N4BP2: variants seen among roughly 807,000 people sequenced by gnomAD.
N4BP2 encodes NEDD4 binding protein 2.
Under a neutral mutation model 152.8 loss-of-function variants are expected in N4BP2, and 91 were observed. The observed-to-expected ratio is 0.60, with a 90% CI of 0.50 to 0.71. N4BP2 has a LOEUF of 0.71. N4BP2 is among the 30% of genes least tolerant of loss of function. The pLI, the probability that N4BP2 is intolerant of heterozygous loss-of-function variation, is 0.00. For missense variants in N4BP2, 1,923 were observed against 2,059.1 expected (o/e 0.93, Z 1.28); for synonymous variants, 646 against 705.3 (o/e 0.92, Z 1.33).
intron 16 of N4BP2, among the ~76,000 whole-genome samples, chr4:40,147,285 A>T (rs902726985): frequency 6.6e-6 from 1 of 152,160 alleles, no homozygotes; most frequent in African/African-American, 2.4e-5. Flanking sequence ...GTACAGAACA[A>T]AATGAAAAGT....
At chr4:40,059,454 G>A (rs1244993181) in intron 1 of N4BP2, among the ~76,000 whole-genome samples, 1 of 151,836 alleles carries the variant, frequency 6.6e-6, no homozygotes, top group Non-Finnish European at 1.5e-5. Context: ...GTGCAGTGGC[G>A]CTATCTTGTC....
rs111253385 is a variant in N4BP2, at chr4:40,121,265, A to G, written c.3154A>G (p.Lys1052Glu). 9.9e-6 allele frequency: 16 copies of G among 1,613,202 alleles called. No individual in the cohort carries two copies. Among genetic ancestry groups the G allele is most frequent in the Admixed American group, 3.4e-5 (2 of 59,692 alleles). ...LTGRLDGFKP[K>E]VFNINTKSDV... ...AGGAAGATTAGATGGATTTAAGCCGAAAGTTTTCAATATTAACACAAAATC... is the reference window on the plus strand; with the variant it reads ...AGGAAGATTAGATGGATTTAAGCCGGAAGTTTTCAATATTAACACAAAATC... The change falls in exon 9 of 18, where the codon AAA (lysine) becomes GAA (glutamate). Residue 1052 changes from lysine to glutamate, a missense_variant. Lys to Glu is a moderately conservative substitution (Grantham distance 56, BLOSUM62 1). Coordinates refer to ENST00000261435, the MANE Select transcript of N4BP2 (RefSeq NM_018177.6).
At chr4:40,132,598 C>T (rs182556936) in intron 13 of N4BP2, among the ~76,000 whole-genome samples, 19 of 152,192 alleles carry the variant, frequency 1.2e-4, no homozygotes, top group Non-Finnish European at 2.2e-4. Flanking sequence ...TGAGTTGCCA[C>T]CGTGTTGTTT....
chr4:40,146,184 TAAATA>T (rs914083371), intron 16 of N4BP2, among the ~76,000 whole-genome samples: 33 of 151,644 alleles, frequency 2.2e-4, no homozygotes, highest in East Asian at 9.7e-4. Flanking sequence ...AATAAATAAA[TAAATA>T]AAATAAAATA....
At chr4:40,186,951 A>G in the N4BP2 span, among the ~76,000 whole-genome samples, 1 of 152,206 alleles carries the variant, frequency 6.6e-6, no homozygotes, top group Non-Finnish European at 1.5e-5. Context: ...CAATTTATAA[A>G]TAAGTACTCA....
Position 40,116,153 on chromosome 4 carries a change from ATACTTT to A in N4BP2, c.1665-1709_1665-1704del, listed in dbSNP as rs1255038523. Among the ~76,000 whole-genome samples, 6 of 151,916 alleles carry A rather than the reference ATACTTT, an allele frequency of 3.9e-5. No individual in the cohort carries two copies. In the South Asian group the frequency reaches 1.0e-3, roughly 26 times the overall value. ...GTTAGTATTTGTTACTTCTTTTTTC[ATACTTT>A]TACTTTGAATATTTTTATGTTCGAT... On this transcript the variant is annotated intron_variant, in intron 7 of 17. Transcript: ENST00000261435.
chr4:40,122,309 G>T lies in N4BP2; in HGVS notation c.4198G>T (p.Gly1400Trp). 3.9e-6 allele frequency: 6 copies of T among 1,542,916 alleles called. No individual in the cohort carries two copies. Among genetic ancestry groups the T allele is most frequent in the Non-Finnish European group, 5.3e-6 (6 of 1,139,652 alleles). ...ATTTGGTCCTGTTGGTATTGATTCA[G>T]GTAAGGAAAAAGTAAATGACCATGT... ...ELFGPVGIDS[G>W]SLTVEDCVVH... Residue 1400 changes from glycine to tryptophan, a missense_variant and splice_region_variant, in exon 9 of 18, where the codon GGG (glycine) becomes TGG (tryptophan). Gly to Trp is a radical substitution (Grantham distance 184). Coordinates refer to ENST00000261435, the MANE Select transcript of N4BP2 (RefSeq NM_018177.6).
chr4:40,089,388 A>G (rs959939723), intron 2 of N4BP2, among the ~76,000 whole-genome samples: 5 of 150,472 alleles, frequency 3.3e-5, no homozygotes, highest in African/African-American at 1.2e-4. Context: ...CAGGTCTTTC[A>G]TCAAACAAAA....
At chr4:40,126,801 A>G (rs1370350653) in intron 12 of N4BP2, among the ~76,000 whole-genome samples, 1 of 152,154 alleles carries the variant, frequency 6.6e-6, no homozygotes, top group Non-Finnish European at 1.5e-5. Context: ...TCTGTTGCCC[A>G]GGCTGGAGTA....
chr4:40,087,619 C>T (rs1411966335), intron 2 of N4BP2, among the ~76,000 whole-genome samples: 1 of 152,078 alleles, frequency 6.6e-6, no homozygotes, highest in Non-Finnish European at 1.5e-5. Flanking sequence ...CCACCTTGGC[C>T]TCCTGAAGTT....
chr4:40,087,451 C>T (rs1438024581), intron 2 of N4BP2, among the ~76,000 whole-genome samples: 1 of 152,094 alleles, frequency 6.6e-6, no homozygotes, highest in Non-Finnish European at 1.5e-5. Flanking sequence ...GCAACCTCTA[C>T]CTCCTGGATT....
At chr4:40,172,653 G>T in the N4BP2 span, among the ~76,000 whole-genome samples, 36 of 152,076 alleles carry the variant, frequency 2.4e-4, no homozygotes, top group Non-Finnish European at 4.6e-4. Context: ...CTTCGATTTT[G>T]GAATTTAGCC....
chr4:40,117,559 G>C (rs1047215829), intron 7 of N4BP2, among the ~76,000 whole-genome samples: 2 of 152,136 alleles, frequency 1.3e-5, no homozygotes, highest in African/African-American at 4.8e-5. Context: ...CCAAATATGA[G>C]CTTATAATAA....
At chr4:40,057,845 C>A (rs1733337875) in intron 1 of N4BP2, among the ~76,000 whole-genome samples, 1 of 152,110 alleles carries the variant, frequency 6.6e-6, no homozygotes, top group Non-Finnish European at 1.5e-5. Flanking sequence ...GTGTTGGCTT[C>A]AAAGGCTCTT....
At position 40,157,586 on chromosome 4, in the gene N4BP2, G is replaced by A. The variant is rs371883574; in HGVS notation, c.*3349G>A. Reference sequence around the variant, plus strand: ...TCTCAATTTAAGAAAATGACGAAATGTATAAAAAAGACAAAAATAACGTGT... The same window carrying A: ...TCTCAATTTAAGAAAATGACGAAATATATAAAAAAGACAAAAATAACGTGT... On this transcript the variant is annotated 3_prime_UTR_variant, in exon 18 of 18. Coordinates refer to ENST00000261435, the MANE Select transcript of N4BP2 (RefSeq NM_018177.6). The A allele has an allele frequency of 6.6e-6, 1 of 152,086 alleles. No individual in the cohort carries two copies. The highest frequency in any genetic ancestry group is 1.5e-5 in the Non-Finnish European group (1 of 67,978). The allele number at this position is 152,086 out of a possible 1,614,324, so 9.4% of individuals were successfully genotyped here. A position where few individuals can be genotyped will look rare whatever the true frequency, so the allele number is the denominator to read the frequency against.
the N4BP2 span, among the ~76,000 whole-genome samples, chr4:40,179,334 C>T: frequency 2.0e-5 from 3 of 152,142 alleles, no homozygotes; most frequent in South Asian, 4.1e-4. Context: ...CGAGCCACTG[C>T]ACTCCAGCCT....
At chr4:40,081,839 G>A (rs1713399355) in intron 2 of N4BP2, among the ~76,000 whole-genome samples, 1 of 151,888 alleles carries the variant, frequency 6.6e-6, no homozygotes, top group East Asian at 1.9e-4. Flanking sequence ...AAGGTTGGGT[G>A]CTGTGGCTCA....
chr4:40,134,789 A>G (rs1428007103), intron 13 of N4BP2, among the ~76,000 whole-genome samples: 1 of 152,108 alleles, frequency 6.6e-6, no homozygotes, highest in Non-Finnish European at 1.5e-5. Context: ...AAATTGAAGA[A>G]TAGCAAAATA....
intron 2 of N4BP2, among the ~76,000 whole-genome samples, chr4:40,092,008 T>TTATATATATATATATA (rs1221314746): frequency 6.2e-4 from 17 of 27,204 alleles, no homozygotes; most frequent in Non-Finnish European, 8.8e-4. Flanking sequence ...AAAAAAAAAA[T>TTATATATATATATATA]TATATATATA....
Sources: gnomAD v4.1 joint callset for allele counts (sites outside exome capture counted in the v4.1 genomes callset) on GRCh38, gnomAD v4.1.1 for gene constraint, MANE v1.5 for transcripts, NCBI Gene and HGNC (gene_info 2026-07-23, HGNC 2026-07-21) for gene names.